Variants in KCTD14 observed in about 807,000 individuals in gnomAD.
KCTD14 encodes the protein potassium channel tetramerization domain containing 14, also known as BTB/POZ domain-containing protein KCTD14.
A neutral mutation model predicts 5.9 loss-of-function variants in KCTD14; 7 were observed. That is an observed-to-expected ratio of 1.19 (90% CI 0.68 to 2.23). The LOEUF (loss-of-function observed/expected upper bound fraction) is 2.23, where lower values mean the gene tolerates loss of function less well. Among genes scored for constraint, KCTD14 ranks in the 30% most tolerant of loss-of-function variants. The pLI, the probability that KCTD14 is intolerant of heterozygous loss-of-function variation, is 0.00. For synonymous variants in KCTD14, 140 were observed against 133.1 expected (o/e 1.05, Z -0.36); for missense variants, 342 against 332.2 (o/e 1.03, Z -0.23).
In KCTD14 at chr11:78,045,761, T is replaced by C. The variant is rs1046832434; in HGVS notation, c.-96+300A>G. On this transcript the variant is annotated intron_variant, in intron 1 of 2. Coordinates refer to the KCTD14 transcript ENST00000533144. The stretch of plus-strand genomic sequence containing the variant: ...AGCCCTGGGGGAGACAGCCCCTCTT[T>C]ATAAGGGTACTACTGAGGAGAGATG... Among the ~76,000 whole-genome samples the C allele has an allele frequency of 2.6e-5, 4 of 152,210 alleles. No homozygotes were observed. The South Asian group carries it at 8.3e-4, about 32-fold the overall frequency.
chr11:78,041,935 C>G (rs1015008319), intron 1 of KCTD14, among the ~76,000 whole-genome samples: 1 of 152,220 alleles, frequency 6.6e-6, no homozygotes, highest in Admixed American at 6.5e-5. Context: ...TAACACTCAC[C>G]GCATGGCCCA....
At chr11:78,043,708 G>A (rs1858054929) in intron 1 of KCTD14, among the ~76,000 whole-genome samples, 1 of 152,178 alleles carries the variant, frequency 6.6e-6, no homozygotes, top group Non-Finnish European at 1.5e-5. Flanking sequence ...AGAAGCAGGG[G>A]CAGGATTCTT....
chr11:78,038,712 G>A, exon 2 of KCTD14: 1 of 1,535,744 alleles, frequency 6.5e-7, no homozygotes, highest in Non-Finnish European at 8.7e-7. Context: ...CAGCAGGGGT[G>A]TCAGAGAGGG....
chr11:78,030,304 C>T (rs1185564145), intron 2 of KCTD14, among the ~76,000 whole-genome samples: 1 of 152,126 alleles, frequency 6.6e-6, no homozygotes, highest in Admixed American at 6.5e-5. Context: ...TATATGAGGA[C>T]CCCAAGGCTC....
At chr11:78,033,901 G>GTGTATATATATATATATATATA in intron 2 of KCTD14, among the ~76,000 whole-genome samples, 5 of 115,588 alleles carry the variant, frequency 4.3e-5, no homozygotes, top group African/African-American at 1.7e-4. Flanking sequence ...GTGTGTGTGT[G>GTGTATATATATATATATATATA]TATATATATA....
At chr11:78,035,861 A>C (rs1490986951) in intron 2 of KCTD14, among the ~76,000 whole-genome samples, 3 of 144,726 alleles carry the variant, frequency 2.1e-5, no homozygotes, top group East Asian at 4.2e-4. Flanking sequence ...AAAAAAAAAA[A>C]AAAACAGTCC....
intron 1 of KCTD14, among the ~76,000 whole-genome samples, chr11:78,018,197 C>G (rs930141618): frequency 1.3e-5 from 2 of 152,114 alleles, no homozygotes; most frequent in African/African-American, 4.8e-5. Context: ...AAGTCTGTGG[C>G]CTTTGGCAAG....
chr11:78,038,055 T>C (rs1257405719), intron 2 of KCTD14, among the ~76,000 whole-genome samples: 1 of 150,244 alleles, frequency 6.7e-6, no homozygotes, highest in African/African-American at 2.4e-5. Flanking sequence ...CAGACCAGCA[T>C]GGATTAAGGC....
In KCTD14 at chr11:78,016,449, C is replaced by A. The variant is rs973706080; in HGVS notation, c.*144G>T. On this transcript the variant is annotated 3_prime_UTR_variant, in exon 2 of 2. Coordinates refer to ENST00000353172, the MANE Select transcript of KCTD14 (RefSeq NM_023930.4). The stretch of plus-strand genomic sequence containing the variant: ...TGCAATGGAGTGGAAAGTCCTTAAA[C>A]GAGTGATCAATATTTAGTGGCAAGA... 24 of 684,212 alleles carry A rather than the reference C, an allele frequency of 3.5e-5. No individual in the cohort carries two copies. The South Asian group carries it at 3.7e-4, about 11-fold the overall frequency. The allele number at this position is 684,212 out of a possible 1,614,324, so 42.4% of individuals were successfully genotyped here. A position where few individuals can be genotyped will look rare whatever the true frequency, so the allele number is the denominator to read the frequency against.
chr11:78,019,393 A>T (rs1857255773), intron 1 of KCTD14, among the ~76,000 whole-genome samples: 1 of 151,646 alleles, frequency 6.6e-6, no homozygotes, highest in Admixed American at 6.6e-5. Context: ...ATCATAACTC[A>T]CTGCAGCCTT....
intron 1 of KCTD14, among the ~76,000 whole-genome samples, chr11:78,017,709 T>C (rs1416461745): frequency 6.6e-6 from 1 of 152,060 alleles, no homozygotes; most frequent in Non-Finnish European, 1.5e-5. Flanking sequence ...CCTCCCACAG[T>C]GCCCGGCCGA....
At chr11:78,028,159 C>T (rs997740797), upstream of KCTD14, among the ~76,000 whole-genome samples, 2 of 152,058 alleles carry the variant, frequency 1.3e-5, no homozygotes, top group African/African-American at 4.8e-5. Flanking sequence ...AAATGATCTT[C>T]CTCCCCAAAA....
rs569075157 is a variant in KCTD14 at position 78,037,411 on chromosome 11, C to T, written c.-1+1253G>A. On this transcript the variant is annotated intron_variant, in intron 2 of 2. Coordinates refer to the KCTD14 transcript ENST00000533144. ...ACTTGCTCTCCAAGCTCCCAAGGGC[C>T]AGCTCCAAGGCCCTGAGCACCAGGG... Among the ~76,000 whole-genome samples, 4 of 152,328 alleles carry T rather than the reference C, an allele frequency of 2.6e-5. No homozygotes were observed. The East Asian group carries it at 7.7e-4, about 29-fold the overall frequency.
intron 1 of KCTD14, among the ~76,000 whole-genome samples, chr11:78,019,508 G>A (rs1857258307): frequency 6.6e-6 from 1 of 151,908 alleles, no homozygotes; most frequent in Admixed American, 6.6e-5. Context: ...TTTAGAGACG[G>A]GTCTTACTAT....
chr11:78,033,086 T>G (rs979209528), intron 2 of KCTD14, among the ~76,000 whole-genome samples: 4 of 152,122 alleles, frequency 2.6e-5, no homozygotes. Flanking sequence ...ATGGTTAAGA[T>G]CCCTTCCAAC....
Position 78,016,488 on chromosome 11 carries a change from C to A in KCTD14, c.*105G>T. 9.9e-7 allele frequency: 1 copy of A among 1,010,318 alleles called. No individual in the cohort carries two copies. The highest frequency in any genetic ancestry group is 1.6e-5 in the African/African-American group (1 of 61,792). The allele number at this position is 1,010,318 out of a possible 1,614,324, so 62.6% of individuals were successfully genotyped here. On this transcript the variant is annotated 3_prime_UTR_variant, in exon 2 of 2. Transcript: ENST00000353172. ...TTAGTGGCAAGACTCTAGACCAACCCTGGAAATTGCCTGATGTTTGTGAAA... is the reference window on the plus strand; with the variant it reads ...TTAGTGGCAAGACTCTAGACCAACCATGGAAATTGCCTGATGTTTGTGAAA...
At position 78,016,505 on chromosome 11, in the gene KCTD14, T is replaced by C. The variant is rs753395372; in HGVS notation, c.*88A>G. The C allele has an allele frequency of 1.7e-4, 206 of 1,188,446 alleles. No homozygotes were observed. Among genetic ancestry groups the C allele is most frequent in the Non-Finnish European group, 2.2e-4 (185 of 842,390 alleles). 73.6% of individuals were successfully genotyped at this position (1,188,446 alleles called of 1,614,324 possible). ...GACCAACCCTGGAAATTGCCTGATGTTTGTGAAATTAAAAGAAAATGGCTT... is the reference window on the plus strand; with the variant it reads ...GACCAACCCTGGAAATTGCCTGATGCTTGTGAAATTAAAAGAAAATGGCTT... On this transcript the variant is annotated 3_prime_UTR_variant, in exon 2 of 2. Transcript: ENST00000353172.
chr11:78,035,552 T>C (rs1030122744), intron 2 of KCTD14, among the ~76,000 whole-genome samples: 2 of 151,742 alleles, frequency 1.3e-5, no homozygotes, highest in Admixed American at 1.3e-4. Flanking sequence ...TTGTAAAGAG[T>C]CGCTTTATGG....
In KCTD14 at chr11:78,016,542, T is replaced by G. The variant is rs867701509; in HGVS notation, c.*51A>C. 6.6e-7 allele frequency: 1 copy of G among 1,512,428 alleles called. No individual in the cohort carries two copies. Among genetic ancestry groups the G allele is most frequent in the South Asian group, 1.2e-5 (1 of 80,064 alleles). 93.7% of individuals were successfully genotyped at this position (1,512,428 alleles called of 1,614,324 possible). On this transcript the variant is annotated 3_prime_UTR_variant, in exon 2 of 2. Transcript: ENST00000353172. ...AAAGAAAATGGCTTTGATGGCAACTTTTAATTTCATAAGCCACGCCAGAAT... is the reference window on the plus strand; with the variant it reads ...AAAGAAAATGGCTTTGATGGCAACTGTTAATTTCATAAGCCACGCCAGAAT...
Sources: gnomAD v4.1 joint callset for allele counts (sites outside exome capture counted in the v4.1 genomes callset) on GRCh38, gnomAD v4.1.1 for gene constraint, MANE v1.5 for transcripts, NCBI Gene and HGNC (gene_info 2026-07-23, HGNC 2026-07-21) for gene names.